Variants in SEMA5A observed in about 807,000 individuals in gnomAD.
The protein encoded by SEMA5A is semaphorin 5A, also known as semaphorin-5A.
Under a neutral mutation model 135.5 loss-of-function variants are expected in SEMA5A, and 55 were observed. That is an observed-to-expected ratio of 0.41 (90% CI 0.33 to 0.51). The LOEUF (loss-of-function observed/expected upper bound fraction) is 0.51, where lower values mean the gene tolerates loss of function less well. Among genes scored for constraint, SEMA5A ranks in the 20% least tolerant of loss-of-function variants. The probability of loss-of-function intolerance (pLI) is 0.37; values close to 1 mark genes in which losing one functional copy is unlikely to be tolerated. For missense variants in SEMA5A, 1,290 were observed against 1,419.9 expected (o/e 0.91, Z 1.47); for synonymous variants, 580 against 546.5 (o/e 1.06, Z -0.85).
intron 1 of SEMA5A, among the ~76,000 whole-genome samples, chr5:9,474,001 A>C (rs1205245920): frequency 6.6e-6 from 1 of 152,184 alleles, no homozygotes; most frequent in African/African-American, 2.4e-5. Context: ...TGCCCACTCC[A>C]CAACATATGG....
chr5:9,495,815 G>T (rs1382820865), intron 1 of SEMA5A, among the ~76,000 whole-genome samples: 1 of 152,118 alleles, frequency 6.6e-6, no homozygotes, highest in Non-Finnish European at 1.5e-5. Flanking sequence ...TTAGCAATTT[G>T]TCCCTCTTAT....
At position 9,044,542 on chromosome 5, in the gene SEMA5A, G is replaced by C. The variant is rs1181687986; in HGVS notation, c.2936C>G (p.Ser979Cys). 6.2e-7 allele frequency: 1 copy of C among 1,614,048 alleles called. No individual in the cohort carries two copies. The highest frequency in any genetic ancestry group is 1.7e-5 in the Admixed American group (1 of 60,022). ...CAGGGTGAGGAGGCAGCCGAGGATGGAGCTGCTCAGCCCCACGGCGATCAT... is the reference window on the plus strand; with the variant it reads ...CAGGGTGAGGAGGCAGCCGAGGATGCAGCTGCTCAGCCCCACGGCGATCAT... The part of the protein sequence containing the change: ...FHMIAVGLSS[S>C]ILGCLLTLLV... The change falls in exon 22 of 23, where the codon TCC (serine) becomes TGC (cysteine). Residue 979 changes from serine (S) to cysteine (C), a missense_variant. Around this residue, in one of 3 missense-constraint regions of SEMA5A, gnomAD observed 1,029 missense variants for 1,086.6 expected, o/e 0.95. Transcript: ENST00000382496.
intron 1 of SEMA5A, among the ~76,000 whole-genome samples, chr5:9,536,634 A>G (rs1042345029): frequency 6.7e-6 from 1 of 148,446 alleles, no homozygotes; most frequent in African/African-American, 2.5e-5. Flanking sequence ...AAAAAAAAAG[A>G]CAGGAAACTG....
rs762391468 is a variant in SEMA5A at position 9,044,499 on chromosome 5, G to A, written c.2979C>T (p.Cys993=). Residue 993 remains cysteine, a synonymous_variant, in exon 22 of 23, where the codon TGC becomes TGT. Coordinates refer to ENST00000382496, the MANE Select transcript of SEMA5A (RefSeq NM_003966.3). The part of the protein sequence containing the change: ...CLLTLLVYTY[C]QRYQQQSHDA... ...CGTGGGATTGCTGCTGGTACCGCTG[G>A]CAGTAAGTATAGACGAGCAGGGTGA... The A allele has an allele frequency of 1.4e-5, 22 of 1,613,892 alleles. No homozygotes were observed. The Admixed American group carries it at 2.0e-4, about 15-fold the overall frequency.
At chr5:9,509,856 G>A (rs1451081824) in intron 1 of SEMA5A, among the ~76,000 whole-genome samples, 1 of 152,114 alleles carries the variant, frequency 6.6e-6, no homozygotes, top group African/African-American at 2.4e-5. Flanking sequence ...TAGGAAATGG[G>A]GAGACATTAC....
chr5:9,509,030 C>A (rs1736061782), intron 1 of SEMA5A, among the ~76,000 whole-genome samples: 2 of 152,018 alleles, frequency 1.3e-5, no homozygotes, highest in East Asian at 1.9e-4. Flanking sequence ...AGGGAGTTTA[C>A]ATAATCTGCA....
chr5:9,221,320 T>G (rs1242927795), intron 8 of SEMA5A, among the ~76,000 whole-genome samples: 1 of 121,272 alleles, frequency 8.2e-6, no homozygotes, highest in Non-Finnish European at 1.8e-5. Flanking sequence ...TTTTTTTTTT[T>G]GAGACGGAGT....
Position 9,119,087 on chromosome 5 carries a change from C to A in SEMA5A, c.1836G>T (p.Gly612=). The change falls in exon 15 of 23, where the codon GGG becomes GGT. Residue 612 remains glycine, a synonymous_variant. Coordinates refer to ENST00000382496, the MANE Select transcript of SEMA5A (RefSeq NM_003966.3). ...AGCGCTGCCGCACCTGGAAGCCGAT[C>A]CCACAGGTAGTGCTGCAGGGAGACC... The part of the protein sequence containing the change: ...TSWSPCSTTC[G]IGFQVRQRSC... 1 of 1,613,876 alleles carries A rather than the reference C, an allele frequency of 6.2e-7. No homozygotes were observed. The highest frequency in any genetic ancestry group is 8.5e-7 in the Non-Finnish European group (1 of 1,179,978).
chr5:9,236,473 G>A (rs1332329259), intron 6 of SEMA5A, among the ~76,000 whole-genome samples: 1 of 152,140 alleles, frequency 6.6e-6, no homozygotes, highest in African/African-American at 2.4e-5. Context: ...AAACACCACA[G>A]GGAGGAAAAA....
At chr5:9,043,041 A>T in intron 22 of SEMA5A, 25 bp from the exon 23 acceptor site, 1 of 1,307,930 alleles carries the variant, frequency 7.6e-7, no homozygotes, top group Non-Finnish European at 1.1e-6. Context: ...AAAAAAAAAC[A>T]GGTTTAAGAA....
At chr5:9,301,160 T>A (rs940337317) in intron 5 of SEMA5A, among the ~76,000 whole-genome samples, 2 of 152,228 alleles carry the variant, frequency 1.3e-5, no homozygotes, top group Non-Finnish European at 2.9e-5. Flanking sequence ...ATGAGTTACA[T>A]GAGCTAAATG....
chr5:9,426,289 G>A (rs1757645609), intron 2 of SEMA5A, among the ~76,000 whole-genome samples: 1 of 151,890 alleles, frequency 6.6e-6, no homozygotes, highest in Non-Finnish European at 1.5e-5. Flanking sequence ...GCCTGGCGCG[G>A]TGGCAGGCGC....
At chr5:9,086,027 C>T (rs1408324876) in intron 16 of SEMA5A, among the ~76,000 whole-genome samples, 1 of 152,184 alleles carries the variant, frequency 6.6e-6, no homozygotes, top group Non-Finnish European at 1.5e-5. Flanking sequence ...TGCATAGGGC[C>T]TGTTGCCCCT....
chr5:9,466,063 G>A (rs534584918), intron 1 of SEMA5A, among the ~76,000 whole-genome samples: 47 of 152,216 alleles, frequency 3.1e-4, no homozygotes, highest in African/African-American at 9.9e-4. Context: ...TCTTTCTCTC[G>A]AGGGTAATGT....
At chr5:9,384,172 G>A (rs1755730020) in intron 2 of SEMA5A, among the ~76,000 whole-genome samples, 1 of 152,032 alleles carries the variant, frequency 6.6e-6, no homozygotes, top group Non-Finnish European at 1.5e-5. Context: ...GCTTTTTTAA[G>A]CAACTTACCA....
chr5:9,174,717 T>C (rs1266214925), intron 11 of SEMA5A, among the ~76,000 whole-genome samples: 1 of 152,136 alleles, frequency 6.6e-6, no homozygotes, highest in East Asian at 1.9e-4. Context: ...CATCAGATAC[T>C]CAAAGCCAAG....
chr5:9,119,329 C>G (rs906108847), intron 14 of SEMA5A, among the ~76,000 whole-genome samples, 188 bp from the exon 15 acceptor site: 1 of 152,008 alleles, frequency 6.6e-6, no homozygotes, highest in African/African-American at 2.4e-5. Flanking sequence ...TCTGCAGCCC[C>G]CAGGCATCTG....
rs1031310451 is a variant in SEMA5A at position 9,037,463 on chromosome 5, C to G, written c.*5434G>C. 2 of 152,196 alleles carry G rather than the reference C, an allele frequency of 1.3e-5. No homozygotes were observed. The highest frequency in any genetic ancestry group is 1.5e-5 in the Non-Finnish European group (1 of 68,040). The allele number at this position is 152,196 out of a possible 1,614,324, so 9.4% of individuals were successfully genotyped here. A position where few individuals can be genotyped will look rare whatever the true frequency, so the allele number is the denominator to read the frequency against. ...AGTGGATAGGATTCCCTTCCTCATGCTTCTGTAACATGTATCAAATTTCTG... is the reference window on the plus strand; with the variant it reads ...AGTGGATAGGATTCCCTTCCTCATGGTTCTGTAACATGTATCAAATTTCTG... On this transcript the variant is annotated 3_prime_UTR_variant, in exon 23 of 23. Transcript: ENST00000382496.
At chr5:9,465,742 C>T (rs914788854) in intron 1 of SEMA5A, among the ~76,000 whole-genome samples, 1 of 152,230 alleles carries the variant, frequency 6.6e-6, no homozygotes, top group Non-Finnish European at 1.5e-5. Context: ...AACCAATCCC[C>T]CATGGATACA....
Sources: gnomAD v4.1 joint callset for allele counts (sites outside exome capture counted in the v4.1 genomes callset) on GRCh38, gnomAD v4.1.1 for gene constraint, gnomAD v4.1.1 regional missense constraint, MANE v1.5 for transcripts, NCBI Gene and HGNC (gene_info 2026-07-23, HGNC 2026-07-21) for gene names.